DOCK3: variants seen among roughly 807,000 people sequenced by gnomAD.
The protein encoded by DOCK3 is dedicator of cytokinesis 3.
DOCK3 carries 60 observed loss-of-function variants against 265.6 expected under a neutral mutation model. The ratio of observed to expected loss-of-function variants is 0.23; its 90% CI spans 0.18 to 0.28. The LOEUF is 0.28. DOCK3 is among the 10% of genes least tolerant of loss of function. DOCK3 has a pLI of 1.00. For synonymous variants in DOCK3, 881 were observed against 938.0 expected (o/e 0.94, Z 1.11); for missense variants, 1,981 against 2,594.3 (o/e 0.76, Z 5.14).
At chr3:51,054,121 T>TAAAAAAA (rs35733959) in intron 5 of DOCK3, among the ~76,000 whole-genome samples, 1 of 85,012 alleles carries the variant, frequency 1.2e-5, no homozygotes, top group African/African-American at 4.4e-5. Context: ...CGTAGCTTCC[T>TAAAAAAA]AAAAAAAAAA....
chr3:50,906,452 G>C (rs539511447), intron 4 of DOCK3, among the ~76,000 whole-genome samples: 1 of 152,008 alleles, frequency 6.6e-6, no homozygotes, highest in Non-Finnish European at 1.5e-5. Context: ...CCTGTTATTC[G>C]TCTATTCAGG....
At chr3:51,282,939 C>T (rs1037960860) in intron 27 of DOCK3, among the ~76,000 whole-genome samples, 2 of 152,126 alleles carry the variant, frequency 1.3e-5, no homozygotes, top group African/African-American at 4.8e-5. Flanking sequence ...AAATCTCCAG[C>T]AAAATACTAG....
At chr3:50,977,561 T>C (rs549962300) in intron 5 of DOCK3, among the ~76,000 whole-genome samples, 1 of 152,144 alleles carries the variant, frequency 6.6e-6, no homozygotes, top group Non-Finnish European at 1.5e-5. Context: ...ACCTTTCTCT[T>C]TGGCTACCCT....
In DOCK3 at chr3:51,358,001, T is replaced by G. The variant is rs2086474128; in HGVS notation, c.4808T>G (p.Phe1603Cys). Residue 1603 changes from phenylalanine to cysteine, a missense_variant, in exon 46 of 53, where the codon TTT (phenylalanine) becomes TGT (cysteine). This residue lies in a region of DOCK3 where 1,357 missense variants were observed against 1,866.8 expected (regional missense o/e 0.73). Transcript: ENST00000266037. The stretch of plus-strand genomic sequence containing the variant: ...GTTGGGCTAGCAGTTCATGAGAAGT[T>G]TGTGCACCCAGAAATGCGGCCTCTG... ...LGVGLAVHEK[F>C]VHPEMRPLHK... 6.2e-7 allele frequency: 1 copy of G among 1,613,976 alleles called. No homozygotes were observed. Among genetic ancestry groups the G allele is most frequent in the African/African-American group, 1.3e-5 (1 of 75,050 alleles).
intron 1 of DOCK3, among the ~76,000 whole-genome samples, chr3:50,745,266 G>A (rs554214516): frequency 6.6e-6 from 1 of 152,064 alleles, no homozygotes; most frequent in South Asian, 2.1e-4. Context: ...GGCTGATCTC[G>A]AACTCCCAAC....
chr3:51,269,038 G>A (rs1400082064), intron 23 of DOCK3, among the ~76,000 whole-genome samples: 2 of 151,850 alleles, frequency 1.3e-5, no homozygotes, highest in Non-Finnish European at 2.9e-5. Flanking sequence ...GCTAAGACCT[G>A]TGTGAGAATC....
intron 12 of DOCK3, among the ~76,000 whole-genome samples, chr3:51,202,276 C>T (rs1276538736): frequency 1.3e-5 from 2 of 149,750 alleles, no homozygotes; most frequent in Non-Finnish European, 3.0e-5. Flanking sequence ...GCTAGCAAGA[C>T]TAATAAAGAA....
intron 5 of DOCK3, among the ~76,000 whole-genome samples, chr3:51,035,071 A>G (rs1311813757): frequency 3.9e-5 from 6 of 151,916 alleles, no homozygotes; most frequent in African/African-American, 1.4e-4. Flanking sequence ...TTTGCGATTC[A>G]TTGAGCTTAT....
At chr3:50,841,511 G>T (rs372016473) in intron 2 of DOCK3, among the ~76,000 whole-genome samples, 164 bp from the exon 3 acceptor site, 1 of 151,740 alleles carries the variant, frequency 6.6e-6, no homozygotes, top group Non-Finnish European at 1.5e-5. Context: ...CCATATGACT[G>T]TTCCTTTTGG....
intron 1 of DOCK3, among the ~76,000 whole-genome samples, chr3:50,710,370 T>C (rs1481192590): frequency 3.3e-5 from 5 of 152,150 alleles, no homozygotes; most frequent in Admixed American, 1.3e-4. Context: ...AATAAACAGT[T>C]CTCAAAAGAC....
At chr3:51,037,073 A>G (rs547050728) in intron 5 of DOCK3, among the ~76,000 whole-genome samples, 35 of 152,180 alleles carry the variant, frequency 2.3e-4, no homozygotes, top group African/African-American at 8.2e-4. Context: ...ACATCTATTT[A>G]TATGTTTTAT....
chr3:50,896,740 G>C (rs1035579467), intron 4 of DOCK3, among the ~76,000 whole-genome samples: 1 of 152,064 alleles, frequency 6.6e-6, no homozygotes, highest in South Asian at 2.1e-4. Context: ...CATTTATTAA[G>C]TAGGCAATCA....
intron 14 of DOCK3, among the ~76,000 whole-genome samples, chr3:51,223,220 G>A (rs1426102924): frequency 6.6e-6 from 1 of 152,070 alleles, no homozygotes; most frequent in Non-Finnish European, 1.5e-5. Context: ...GGAATTACAG[G>A]TATGAGCCAC....
intron 1 of DOCK3, among the ~76,000 whole-genome samples, chr3:50,711,943 T>C (rs1351491060): frequency 6.6e-6 from 1 of 152,216 alleles, no homozygotes; most frequent in African/African-American, 2.4e-5. Flanking sequence ...ACGTAAATTA[T>C]CTGATTTGGT....
intron 5 of DOCK3, among the ~76,000 whole-genome samples, chr3:51,029,580 C>T (rs894548181): frequency 6.6e-5 from 10 of 152,332 alleles, no homozygotes; most frequent in African/African-American, 2.4e-4. Flanking sequence ...GTGGAACCCC[C>T]TGAAGTGGTT....
chr3:50,703,001 G>A (rs1344332283), intron 1 of DOCK3, among the ~76,000 whole-genome samples: 1 of 152,056 alleles, frequency 6.6e-6, no homozygotes. Context: ...CTTTTATTAT[G>A]TTGAGTTTTA....
intron 3 of DOCK3, among the ~76,000 whole-genome samples, chr3:50,861,861 T>G (rs1224831337): frequency 2.0e-5 from 3 of 151,870 alleles, no homozygotes; most frequent in Admixed American, 1.3e-4. Flanking sequence ...GTCGTTTTTT[T>G]TTTTTTTTTA....
intron 1 of DOCK3, chr3:50,719,595 C>T: frequency 6.7e-7 from 1 of 1,490,448 alleles, no homozygotes; most frequent in South Asian, 1.1e-5. Context: ...TTGCCAAAGA[C>T]CACATGCTTG....
chr3:50,765,349 G>T (rs368771642), intron 1 of DOCK3, among the ~76,000 whole-genome samples: 1 of 152,064 alleles, frequency 6.6e-6, no homozygotes, highest in East Asian at 1.9e-4. Context: ...CTCTCAAAGT[G>T]CTGGGATTAC....
Sources: allele counts gnomAD v4.1 joint callset (sites outside exome capture counted in the v4.1 genomes callset), GRCh38; gene constraint gnomAD v4.1.1; regional missense constraint gnomAD v4.1.1; transcripts MANE v1.5; gene names NCBI Gene and HGNC (gene_info 2026-07-23, HGNC 2026-07-21).